The following TMEFF2 variants were observed in gnomAD, a reference collection of about 807,000 sequenced individuals.
The protein encoded by TMEFF2 is transmembrane protein with EGF like and two follistatin like domains 2.
TMEFF2 carries 28 observed loss-of-function variants against 53.8 expected under a neutral mutation model. The observed-to-expected ratio is 0.52, with a 90% CI of 0.39 to 0.71. TMEFF2 has a LOEUF of 0.71. Ranked by LOEUF, TMEFF2 falls within the 30% of genes least tolerant of loss-of-function variation. The pLI is 0.00. For missense variants in TMEFF2, 353 were observed against 455.2 expected (o/e 0.78, Z 2.04); for synonymous variants, 162 against 166.3 (o/e 0.97, Z 0.20).
chr2:192,036,099 ATTTATT>A (rs1173179351), intron 5 of TMEFF2: 9 of 152,252 alleles, frequency 5.9e-5, no homozygotes, highest in African/African-American at 2.2e-4. Flanking sequence ...TTCATTCCTT[ATTTATT>A]TATTCATCAT....
At chr2:192,111,480 T>C (rs1349551152) in intron 4 of TMEFF2, among the ~76,000 whole-genome samples, 1 of 152,156 alleles carries the variant, frequency 6.6e-6, no homozygotes, top group Non-Finnish European at 1.5e-5. Flanking sequence ...ATGGAAGACA[T>C]TTCTAAGCAG....
In TMEFF2 at chr2:192,036,261, C is replaced by T. The variant is rs1039356667; in HGVS notation, c.536+21418G>A. ...TTGCATATCCATATTTCCAGAAGTACCAATGTGATTGAAGCAAGGGAAATT... is the reference window on the plus strand; with the variant it reads ...TTGCATATCCATATTTCCAGAAGTATCAATGTGATTGAAGCAAGGGAAATT... On this transcript the variant is annotated intron_variant, in intron 5 of 9. Coordinates refer to ENST00000272771, the MANE Select transcript of TMEFF2 (RefSeq NM_016192.4). 2.0e-5 allele frequency: 3 copies of T among 152,274 alleles called. No homozygotes were observed. In the South Asian group the frequency reaches 6.2e-4, roughly 32 times the overall value. 9.4% of individuals were successfully genotyped at this position (152,274 alleles called of 1,614,324 possible).
At chr2:192,160,474 T>C (rs1337835984) in intron 4 of TMEFF2, among the ~76,000 whole-genome samples, 5 of 152,062 alleles carry the variant, frequency 3.3e-5, no homozygotes, top group South Asian at 2.1e-4. Flanking sequence ...AAAAAAGATA[T>C]TAAAAATATT....
intron 8 of TMEFF2, among the ~76,000 whole-genome samples, chr2:191,955,165 GAGAGAGA>G (rs1559058791): frequency 2.7e-5 from 1 of 37,390 alleles, no homozygotes; most frequent in African/African-American, 6.2e-5. Flanking sequence ...GGAAGAGTGG[GAGAGAGA>G]GGGAGAGAGA....
intron 4 of TMEFF2, among the ~76,000 whole-genome samples, chr2:192,078,036 A>C (rs533379664): frequency 8.3e-4 from 127 of 152,230 alleles, no homozygotes; most frequent in African/African-American, 2.7e-3. Context: ...AAAAAGCAAA[A>C]ATTTTCAAAT....
At chr2:192,189,689 A>G (rs1018092889) in intron 2 of TMEFF2, among the ~76,000 whole-genome samples, 2 of 152,172 alleles carry the variant, frequency 1.3e-5, no homozygotes, top group African/African-American at 4.8e-5. Context: ...TAAAATAACA[A>G]ACACCAAAAA....
chr2:192,192,359 G>A (rs1691483465), intron 1 of TMEFF2, among the ~76,000 whole-genome samples: 1 of 151,582 alleles, frequency 6.6e-6, no homozygotes, highest in Non-Finnish European at 1.5e-5. Flanking sequence ...TCCACATTTT[G>A]GAAAAGAGCT....
chr2:192,182,032 A>T (rs911046813), intron 3 of TMEFF2, among the ~76,000 whole-genome samples: 23 of 151,920 alleles, frequency 1.5e-4, no homozygotes, highest in African/African-American at 5.5e-4. Flanking sequence ...CCTAAATCTG[A>T]GCTCCTAGTT....
At chr2:192,075,310 T>TATATATATATATATATATATATATAA (rs1688398870) in intron 4 of TMEFF2, among the ~76,000 whole-genome samples, 1 of 74,914 alleles carries the variant, frequency 1.3e-5, no homozygotes, top group Non-Finnish European at 2.7e-5. Context: ...TATATATATA[T>TATATATATATATATATATATATATAA]ATATATATAT....
At chr2:191,980,722 A>G (rs887004229) in intron 7 of TMEFF2, among the ~76,000 whole-genome samples, 1 of 152,032 alleles carries the variant, frequency 6.6e-6, no homozygotes, top group Non-Finnish European at 1.5e-5. Context: ...CCAGTCATCT[A>G]TGTTGATGAA....
chr2:192,075,498 C>G (rs1048026943), intron 4 of TMEFF2, among the ~76,000 whole-genome samples: 1 of 150,788 alleles, frequency 6.6e-6, no homozygotes, highest in Non-Finnish European at 1.5e-5. Flanking sequence ...CTAAAAATTT[C>G]CTACAAAGAA....
At chr2:192,027,571 G>T (rs1409559025) in intron 5 of TMEFF2, among the ~76,000 whole-genome samples, 3 of 152,156 alleles carry the variant, frequency 2.0e-5, no homozygotes, top group Non-Finnish European at 2.9e-5. Context: ...TTGCCTCCTG[G>T]TATTCATGCC....
chr2:192,173,816 T>C (rs1690972932), intron 4 of TMEFF2, among the ~76,000 whole-genome samples: 1 of 151,798 alleles, frequency 6.6e-6, no homozygotes. Context: ...TATCCCACCA[T>C]CAATACTTTA....
In TMEFF2 at chr2:192,121,107, CAAAAG is replaced by C. The variant is rs1008290033; in HGVS notation, c.439+58556_439+58560del. 3.1e-4 allele frequency among the ~76,000 whole-genome samples: 41 copies of C among 130,186 alleles called. 1 individual carries two copies. Among genetic ancestry groups the C allele is most frequent in the East Asian group, 7.7e-4 (4 of 5,174 alleles). The allele number at this position is 130,186 out of a possible 152,430, so 85.4% of individuals were successfully genotyped here. ...GTATCAGAGAAGAGGAAAAACAAAACAAAAGAAAACAAAAAAAACAAACATACACC... is the reference window on the plus strand; with the variant it reads ...GTATCAGAGAAGAGGAAAAACAAAACAAAACAAAAAAAACAAACATACACC... On this transcript the variant is annotated intron_variant, in intron 4 of 9. Coordinates refer to ENST00000272771, the MANE Select transcript of TMEFF2 (RefSeq NM_016192.4).
chr2:191,956,037 A>G (rs140587953), intron 8 of TMEFF2, among the ~76,000 whole-genome samples: 289 of 152,266 alleles, frequency 1.9e-3, no homozygotes, highest in African/African-American at 6.2e-3. Flanking sequence ...GTAATGTGTT[A>G]TATAGTACTT....
At chr2:192,123,214 T>C (rs1689599643) in intron 4 of TMEFF2, among the ~76,000 whole-genome samples, 1 of 152,202 alleles carries the variant, frequency 6.6e-6, no homozygotes, top group African/African-American at 2.4e-5. Context: ...TCAGTGTATT[T>C]ACTGGGGTGA....
chr2:192,178,722 C>T (rs945889199), intron 4 of TMEFF2: 3 of 151,176 alleles, frequency 2.0e-5, no homozygotes, highest in African/African-American at 7.3e-5. Context: ...ATATCTGCCA[C>T]CCTGAACCCA....
intron 4 of TMEFF2, among the ~76,000 whole-genome samples, chr2:192,133,782 G>T (rs1001027928): frequency 6.6e-6 from 1 of 152,162 alleles, no homozygotes; most frequent in African/African-American, 2.4e-5. Flanking sequence ...CTGCCGCAAG[G>T]CTTCACAGAC....
chr2:192,138,690 T>C (rs1432059377), intron 4 of TMEFF2, among the ~76,000 whole-genome samples: 1 of 152,216 alleles, frequency 6.6e-6, no homozygotes, highest in Non-Finnish European at 1.5e-5. Flanking sequence ...ATTCCTCAGA[T>C]TGAAGACAGA....
Sources: gnomAD v4.1 joint callset for allele counts (sites outside exome capture counted in the v4.1 genomes callset) on GRCh38, gnomAD v4.1.1 for gene constraint, MANE v1.5 for transcripts, NCBI Gene and HGNC (gene_info 2026-07-23, HGNC 2026-07-21) for gene names.